The following ARHGAP45 variants were observed in gnomAD, a reference collection of about 807,000 sequenced individuals.
ARHGAP45 encodes the protein rho GTPase-activating protein 45.
Under a neutral mutation model 116.1 loss-of-function variants are expected in ARHGAP45, and 56 were observed. The observed-to-expected ratio is 0.48, with a 90% confidence interval of 0.39 to 0.60. The LOEUF (loss-of-function observed/expected upper bound fraction) is 0.60. ARHGAP45 is among the 20% of genes least tolerant of loss of function. ARHGAP45 has a pLI of 0.00. For synonymous variants in ARHGAP45, 866 were observed against 701.7 expected (o/e 1.23, Z -3.70); for missense variants, 1,622 against 1,601.0 (o/e 1.01, Z -0.22).
Position 1,076,754 on chromosome 19 carries a change from T to C in ARHGAP45, c.1186-1103T>C, listed in dbSNP as rs545942184. On this transcript the variant is annotated intron_variant, in intron 10 of 22. Coordinates refer to ENST00000313093, the MANE Select transcript of ARHGAP45 (RefSeq NM_012292.5). Reference sequence around the variant, plus strand: ...TCAGGTAATCTGCCCACCTTGTCCTTCCAAAGTGCTGGAATTATAGGCATA... The same window carrying C: ...TCAGGTAATCTGCCCACCTTGTCCTCCCAAAGTGCTGGAATTATAGGCATA... Among the ~76,000 whole-genome samples the C allele has an allele frequency of 4.0e-5, 6 of 151,854 alleles. No individual in the cohort carries two copies. The East Asian group carries it at 9.7e-4, about 24-fold the overall frequency.
chr19:1,083,451 C>A, intron 21 of ARHGAP45, 98 bp downstream of exon 21: 2 of 1,120,510 alleles, frequency 1.8e-6, no homozygotes, highest in Non-Finnish European at 2.6e-6. Flanking sequence ...CAAGGAACCA[C>A]AGGGAGATAA....
In ARHGAP45 at chr19:1,075,236, C is replaced by CTTTTTT. The variant is rs551827897; in HGVS notation, c.1185+369_1185+374dup. On this transcript the variant is annotated intron_variant, in intron 10 of 22. Transcript: ENST00000313093. ...AAAGCGCCATGCTCCTGCATGTATTCTTTTTTTTTTTTTTTTTGATACGGA... is the reference window on the plus strand; with the variant it reads ...AAAGCGCCATGCTCCTGCATGTATTCTTTTTTTTTTTTTTTTTTTTTTTGATACGGA... 3.1e-5 allele frequency among the ~76,000 whole-genome samples: 4 copies of CTTTTTT among 131,036 alleles called. 1 individual carries two copies. The highest frequency in any genetic ancestry group is 6.3e-5 in the Non-Finnish European group (4 of 63,082). 86.0% of individuals were successfully genotyped at this position (131,036 alleles called of 152,430 possible).
In ARHGAP45 at chr19:1,083,070, A is replaced by C; in HGVS notation, c.2744+4A>C. 6.4e-7 allele frequency: 1 copy of C among 1,552,302 alleles called. No individual in the cohort carries two copies. Among genetic ancestry groups the C allele is most frequent in the Non-Finnish European group, 8.7e-7 (1 of 1,152,916 alleles). ...ACCTGCTGCGTCACCTACGCAGGTG[A>C]GTCCCGGCATATGGAGTGGAGGGCG... On this transcript the variant is annotated splice_donor_region_variant and intron_variant, in intron 20 of 22. Coordinates refer to ENST00000313093, the MANE Select transcript of ARHGAP45 (RefSeq NM_012292.5).
chr19:1,085,585 CCTGT>C (rs2043600981), intron 22 of ARHGAP45, 71 bp from the exon 23 acceptor site: 11 of 1,115,188 alleles, frequency 9.9e-6, no homozygotes, highest in Admixed American at 2.6e-5. Flanking sequence ...CCCCATCTCT[CCTGT>C]CTGTCCCTCC....
chr19:1,084,399 A>C, intron 22 of ARHGAP45, 53 bp downstream of exon 22: 1 of 1,405,426 alleles, frequency 7.1e-7, no homozygotes, highest in South Asian at 1.2e-5. Context: ...TGTGCCACCC[A>C]TGGGCGCAGG....
chr19:1,073,796 C>A (rs369939926), intron 5 of ARHGAP45, 50 bp downstream of exon 5: 1 of 1,548,468 alleles, frequency 6.5e-7, no homozygotes, highest in Non-Finnish European at 8.7e-7. Context: ...GGAGGCCAGC[C>A]GGGTTCAGGT....
intron 22 of ARHGAP45, 55 bp from the exon 23 acceptor site, chr19:1,085,595 CCTCCCCTTGT>C: frequency 8.1e-7 from 1 of 1,232,920 alleles, no homozygotes; most frequent in Non-Finnish European, 1.1e-6. Context: ...CCTGTCTGTC[CCTCCCCTTGT>C]CTCTCCTCCA....
chr19:1,086,000 CGT>C lies in ARHGAP45; in HGVS notation c.3409_3410del (p.Ter1137SerfsTer78). 1 of 1,611,400 alleles carries C rather than the reference CGT, an allele frequency of 6.2e-7. No homozygotes were observed. Among genetic ancestry groups the C allele is most frequent in the Admixed American group, 1.7e-5 (1 of 59,954 alleles). ...CCTGCAGGGAAAGGCAGCCGGAATT[CGT>C]GTGAGCTGGGGTGGGGCTGGGACCA... Reference protein sequence around the residue: ...GSCRERQPEFV With the variant: ...GSCRERQPEFX On this transcript the variant is annotated frameshift_variant, in exon 23 of 23. Coordinates refer to ENST00000313093, the MANE Select transcript of ARHGAP45 (RefSeq NM_012292.5). LOFTEE classifies it high-confidence loss of function.
In ARHGAP45 at chr19:1,071,829, T is replaced by G. The variant is rs1214892666; in HGVS notation, c.422-1320T>G. The G allele has an allele frequency of 6.6e-6, 1 of 152,126 alleles. No homozygotes were observed. The highest frequency in any genetic ancestry group is 1.9e-4 in the East Asian group (1 of 5,186). The allele number at this position is 152,126 out of a possible 1,614,324, so 9.4% of individuals were successfully genotyped here. A position where few individuals can be genotyped will look rare whatever the true frequency, so the allele number is the denominator to read the frequency against. ...TTCGGTGCCGAAAGGGATGGGGCAC[T>G]TACTTTTTCAGATTTCATTTCGTAT... On this transcript the variant is annotated intron_variant, in intron 2 of 22. Transcript: ENST00000313093. This position sits in a 1 kb window ranked among gnomAD's most constrained non-coding sequence, Gnocchi z 4.6.
chr19:1,073,541 C>G lies in ARHGAP45; in HGVS notation c.601C>G (p.Gln201Glu). Reference sequence around the variant, plus strand: ...TGAGAGCAACAATGATCTGGAGAAACAGGAGTTCGAGAAGGCCCTGGAGAC... The same window carrying G: ...TGAGAGCAACAATGATCTGGAGAAAGAGGAGTTCGAGAAGGCCCTGGAGAC... ...HYESNNDLEK[Q>E]EFEKALETIA... The change falls in exon 4 of 23, where the codon CAG becomes GAG. Residue 201 changes from glutamine to glutamate, a missense_variant. By Grantham distance (29) the Gln-to-Glu change is conservative. Transcript: ENST00000313093. The G allele has an allele frequency of 1.2e-6, 2 of 1,614,036 alleles. No homozygotes were observed. Among genetic ancestry groups the G allele is most frequent in the Non-Finnish European group, 1.7e-6 (2 of 1,179,982 alleles).
Position 1,074,091 on chromosome 19 carries a change from C to T in ARHGAP45, c.791-13C>T, listed in dbSNP as rs956992427. 1.9e-5 allele frequency: 30 copies of T among 1,610,480 alleles called. No homozygotes were observed. Among genetic ancestry groups the T allele is most frequent in the Non-Finnish European group, 2.4e-5 (28 of 1,178,644 alleles). On this transcript the variant is annotated splice_polypyrimidine_tract_variant and intron_variant, in intron 6 of 22. Transcript: ENST00000313093. ...GGGTCGGGCCAGGCTGAGCAGGCCC[C>T]CGTTCCCTGCAGGCTGCCTGCCCGC...
chr19:1,079,010 C>T (rs2043346666), intron 11 of ARHGAP45, among the ~76,000 whole-genome samples: 1 of 151,630 alleles, frequency 6.6e-6, no homozygotes, highest in Admixed American at 6.6e-5. Flanking sequence ...GAAACCCCGT[C>T]TCTACTAAAA....
rs1167135066 is a variant in ARHGAP45, at chr19:1,085,558, CCCCCTCTCCTGTCTCT to C, written c.3065-97_3065-82del. 5 of 841,004 alleles carry C rather than the reference CCCCCTCTCCTGTCTCT, an allele frequency of 5.9e-6. No individual in the cohort carries two copies. In the African/African-American group the frequency reaches 8.8e-5, roughly 15 times the overall value. 52.1% of individuals were successfully genotyped at this position (841,004 alleles called of 1,614,324 possible). A position where few individuals can be genotyped will look rare whatever the true frequency, so the allele number is the denominator to read the frequency against. On this transcript the variant is annotated intron_variant, in intron 22 of 22. Coordinates refer to ENST00000313093, the MANE Select transcript of ARHGAP45 (RefSeq NM_012292.5). Reference sequence around the variant, plus strand: ...TCTCTCCTGTCTCTCCATCTCTCTCCCCCCTCTCCTGTCTCTCCCCATCTCTCCTGTCTGTCCCTCC... The same window carrying C: ...TCTCTCCTGTCTCTCCATCTCTCTCCCCCCATCTCTCCTGTCTGTCCCTCC...
chr19:1,067,519 C>G lies in ARHGAP45; in HGVS notation c.90+24C>G, dbSNP rs758891812. 5 of 1,570,166 alleles carry G rather than the reference C, an allele frequency of 3.2e-6. No individual in the cohort carries two copies. The East Asian group carries it at 1.2e-4, about 36-fold the overall frequency. ...GGGTGAGTGGAGCCCGGGTGAGACC[C>G]GGAGCTGACGCCGGGCCGCAGGGGG... On this transcript the variant is annotated intron_variant, in intron 1 of 22. Transcript: ENST00000313093.
At chr19:1,084,650 G>C (rs554793099) in intron 22 of ARHGAP45, among the ~76,000 whole-genome samples, 2 of 152,188 alleles carry the variant, frequency 1.3e-5, no homozygotes, top group East Asian at 1.9e-4. Context: ...TGCCTTTCCT[G>C]CAGGAGCCCG....
intron 2 of ARHGAP45, among the ~76,000 whole-genome samples, chr19:1,072,576 G>T (rs1403439048): frequency 1.3e-5 from 2 of 152,196 alleles, no homozygotes; most frequent in Non-Finnish European, 2.9e-5. Context: ...TGAAAGCCAG[G>T]TTCCAACAGT....
rs1255669702 is a variant in ARHGAP45, at chr19:1,082,828, G to A, written c.2518-12G>A. The stretch of plus-strand genomic sequence containing the variant: ...GGCCCACCAACACCTGCTGACCCTT[G>A]ACTCTGCGCAGCTTCCCGAGCCGCT... On this transcript the variant is annotated splice_polypyrimidine_tract_variant and intron_variant, in intron 19 of 22. Transcript: ENST00000313093. 3 of 1,481,524 alleles carry A rather than the reference G, an allele frequency of 2.0e-6. No homozygotes were observed. The East Asian group carries it at 7.1e-5, about 35-fold the overall frequency. The allele number at this position is 1,481,524 out of a possible 1,614,324, so 91.8% of individuals were successfully genotyped here. A position where few individuals can be genotyped will look rare whatever the true frequency, so the allele number is the denominator to read the frequency against.
intron 10 of ARHGAP45, among the ~76,000 whole-genome samples, chr19:1,076,575 C>T (rs1057189699): frequency 1.4e-5 from 2 of 144,352 alleles, no homozygotes; most frequent in Non-Finnish European, 1.5e-5. Flanking sequence ...CAGCTCACTG[C>T]AACCTCCATC....
Position 1,082,882 on chromosome 19 carries a change from G to C in ARHGAP45, c.2560G>C (p.Val854Leu), listed in dbSNP as rs770525941. 1.3e-6 allele frequency: 2 copies of C among 1,582,372 alleles called. No individual in the cohort carries two copies. ...CTCCTTCCGCCTCTACCACGAGCTC[G>C]TAGGGCTGGCCAAGGACAGCCTGAA... is the stretch of plus-strand genomic sequence containing the variant. ...LISFRLYHEL[V>L]GLAKDSLKAE... is the part of the protein sequence containing the mutation. The change falls in exon 20 of 23, where the codon GTA becomes CTA. Residue 854 changes from valine to leucine, a missense_variant. Physicochemically the swap from Val to Leu is conservative, Grantham distance 32 (BLOSUM62 1). Around this residue, in one of 3 missense-constraint regions of ARHGAP45, gnomAD observed 1,334 missense variants for 1,263.8 expected, o/e 1.06. Transcript: ENST00000313093.
Sources: gnomAD v4.1 joint callset for allele counts (sites outside exome capture counted in the v4.1 genomes callset) on GRCh38, gnomAD v4.1.1 for gene constraint, gnomAD v4.1.1 regional missense constraint, Gnocchi (gnomAD v3.1) non-coding constraint, MANE v1.5 for transcripts, NCBI Gene and HGNC (gene_info 2026-07-23, HGNC 2026-07-21) for gene names.